ALOX5AP: variants seen among roughly 807,000 people sequenced by gnomAD.
ALOX5AP encodes arachidonate 5-lipoxygenase-activating protein.
A neutral mutation model predicts 18.5 loss-of-function variants in ALOX5AP; 9 were observed. That is an observed-to-expected ratio of 0.49 (90% CI 0.29 to 0.85). The LOEUF (loss-of-function observed/expected upper bound fraction) is 0.85, where lower values mean the gene tolerates loss of function less well. Among genes scored for constraint, ALOX5AP ranks in the 40% least tolerant of loss-of-function variants. ALOX5AP has a pLI of 0.08. For missense variants in ALOX5AP, 172 were observed against 202.5 expected (o/e 0.85, Z 0.91); for synonymous variants, 81 against 78.6 (o/e 1.03, Z -0.16).
chr13:30,723,807 C>A (rs1481156971), intron 1 of ALOX5AP, among the ~76,000 whole-genome samples: 2 of 151,970 alleles, frequency 1.3e-5, no homozygotes. Context: ...GCTATGTTGC[C>A]CAGGCTGGCT....
rs146764312 is a variant in ALOX5AP at position 30,725,258 on chromosome 13, G to A, written c.117-10293G>A. The stretch of plus-strand genomic sequence containing the variant: ...TGGTGACAAGGAGTCCTGGGGAAGA[G>A]GCATATGGATACCTCTGAACACACA... On this transcript the variant is annotated intron_variant, in intron 1 of 5. Transcript: ENST00000617770. 5.2e-3 allele frequency among the ~76,000 whole-genome samples: 792 copies of A among 152,334 alleles called. 5 individuals carry two copies. Among genetic ancestry groups the A allele is most frequent in the African/African-American group, 0.018 (766 of 41,572 alleles).
At chr13:30,725,940 C>T (rs1032917546) in intron 1 of ALOX5AP, among the ~76,000 whole-genome samples, 1 of 152,150 alleles carries the variant, frequency 6.6e-6, no homozygotes, top group African/African-American at 2.4e-5. Flanking sequence ...GGGGTTATGT[C>T]CTGCAGGATG....
chr13:30,714,459 T>A (rs2137780845), intron 1 of ALOX5AP, among the ~76,000 whole-genome samples: 1 of 152,008 alleles, frequency 6.6e-6, no homozygotes. Context: ...AGGGATCCCG[T>A]CATTGCCCAG....
chr13:30,722,513 G>GTA (rs778010188), intron 1 of ALOX5AP, among the ~76,000 whole-genome samples: 3 of 152,154 alleles, frequency 2.0e-5, no homozygotes, highest in African/African-American at 4.8e-5. Flanking sequence ...ATGACACATG[G>GTA]TATATATGCT....
At chr13:30,748,244 A>T (rs556094966) in intron 2 of ALOX5AP, among the ~76,000 whole-genome samples, 1 of 152,156 alleles carries the variant, frequency 6.6e-6, no homozygotes, top group Non-Finnish European at 1.5e-5. Flanking sequence ...AGTGGCATAG[A>T]CTTGTAAAAT....
chr13:30,751,709 C>G (rs896501502), intron 2 of ALOX5AP, among the ~76,000 whole-genome samples: 1 of 152,210 alleles, frequency 6.6e-6, no homozygotes, highest in Non-Finnish European at 1.5e-5. Context: ...GTGGCCACAT[C>G]CTCTGTCTGC....
intron 1 of ALOX5AP, among the ~76,000 whole-genome samples, chr13:30,716,747 C>T (rs1416200252): frequency 6.6e-6 from 1 of 152,198 alleles, no homozygotes; most frequent in East Asian, 1.9e-4. Flanking sequence ...TTCCCCAAAC[C>T]ACCCTGAGTT....
upstream of ALOX5AP, among the ~76,000 whole-genome samples, chr13:30,734,688 G>T (rs1322886408): frequency 6.6e-6 from 1 of 152,242 alleles, no homozygotes; most frequent in Non-Finnish European, 1.5e-5. Flanking sequence ...CCTCAGAAAA[G>T]TCAGTTCCCT....
chr13:30,735,626 C>T lies in ALOX5AP; in HGVS notation c.21C>T (p.Gly7=), dbSNP rs1951714533. ...CAAACATGGATCAAGAAACTGTAGGCAATGTTGTCCTGTTGGCCATCGTCA... is the reference window on the plus strand; with the variant it reads ...CAAACATGGATCAAGAAACTGTAGGTAATGTTGTCCTGTTGGCCATCGTCA... The part of the protein sequence containing the change: MDQETV[G]NVVLLAIVTL... Residue 7 remains glycine (G), a synonymous_variant, in exon 1 of 5, where the codon GGC becomes GGT. Coordinates refer to ENST00000380490, the MANE Select transcript of ALOX5AP (RefSeq NM_001629.4). 1.2e-6 allele frequency: 2 copies of T among 1,614,112 alleles called. No individual in the cohort carries two copies.
At chr13:30,748,924 A>T (rs1176972924) in intron 2 of ALOX5AP, among the ~76,000 whole-genome samples, 1 of 152,252 alleles carries the variant, frequency 6.6e-6, no homozygotes, top group African/African-American at 2.4e-5. Flanking sequence ...GGCAGCTGTC[A>T]TGGCTAAAGC....
intron 1 of ALOX5AP, among the ~76,000 whole-genome samples, chr13:30,724,800 C>A (rs1566079401): frequency 6.6e-6 from 1 of 152,178 alleles, no homozygotes; most frequent in Non-Finnish European, 1.5e-5. Flanking sequence ...GTTCCATCAT[C>A]AAATGGAATA....
At chr13:30,748,706 A>G (rs1167350959) in intron 2 of ALOX5AP, among the ~76,000 whole-genome samples, 3 of 152,394 alleles carry the variant, frequency 2.0e-5, no homozygotes, top group African/African-American at 7.2e-5. Context: ...TTGAATGCTT[A>G]CTGTGAGCCA....
chr13:30,739,522 C>G (rs1484264703), intron 1 of ALOX5AP, among the ~76,000 whole-genome samples: 1 of 152,210 alleles, frequency 6.6e-6, no homozygotes, highest in East Asian at 1.9e-4. Flanking sequence ...GCAACCTCTG[C>G]CTCCCAGGCT....
chr13:30,752,015 C>T, intron 2 of ALOX5AP, 37 bp from the exon 3 acceptor site: 1 of 1,598,922 alleles, frequency 6.3e-7, no homozygotes, highest in South Asian at 1.1e-5. Context: ...CTAACTTGGT[C>T]TCTGATTGTT....
chr13:30,747,404 C>T (rs1389915886), intron 2 of ALOX5AP, among the ~76,000 whole-genome samples: 1 of 152,146 alleles, frequency 6.6e-6, no homozygotes, highest in East Asian at 1.9e-4. Context: ...AACTCCTGAC[C>T]TCAGGTTATC....
chr13:30,750,470 T>C (rs946906279), intron 2 of ALOX5AP, among the ~76,000 whole-genome samples: 1 of 152,208 alleles, frequency 6.6e-6, no homozygotes, highest in Non-Finnish European at 1.5e-5. Flanking sequence ...AGGACACCTA[T>C]GATTTAATTT....
chr13:30,763,050 A>G (rs1441909602), intron 4 of ALOX5AP, among the ~76,000 whole-genome samples: 1 of 152,106 alleles, frequency 6.6e-6, no homozygotes, highest in South Asian at 2.1e-4. Flanking sequence ...GTTTACGCCT[A>G]TAATCCCAGC....
At chr13:30,717,278 T>G (rs1337328738) in intron 1 of ALOX5AP, among the ~76,000 whole-genome samples, 1 of 152,214 alleles carries the variant, frequency 6.6e-6, no homozygotes, top group Non-Finnish European at 1.5e-5. Flanking sequence ...ACTCCCAAAT[T>G]GAGTTTTTCC....
chr13:30,744,976 C>T (rs991348872), intron 2 of ALOX5AP, among the ~76,000 whole-genome samples: 1 of 152,166 alleles, frequency 6.6e-6, no homozygotes, highest in African/African-American at 2.4e-5. Flanking sequence ...GAGATCCTTC[C>T]AAAGGGGGAG....
Sources: gnomAD v4.1 joint callset for allele counts (sites outside exome capture counted in the v4.1 genomes callset) on GRCh38, gnomAD v4.1.1 for gene constraint, MANE v1.5 for transcripts, NCBI Gene and HGNC (gene_info 2026-07-23, HGNC 2026-07-21) for gene names.